SLC11A1: variants seen among roughly 807,000 people sequenced by gnomAD.
SLC11A1 encodes the protein solute carrier family 11 member 1.
SLC11A1 carries 59 observed loss-of-function variants against 63.2 expected under a neutral mutation model. The observed-to-expected ratio is 0.93, with a 90% CI of 0.76 to 1.16. SLC11A1 has a LOEUF of 1.16. SLC11A1 is among the 50% of genes most tolerant of loss of function. SLC11A1 has a pLI of 0.00. For missense variants in SLC11A1, 688 were observed against 730.7 expected, an observed-to-expected ratio of 0.94 and a Z score of 0.67; for synonymous variants, 305 against 307.8, an observed-to-expected ratio of 0.99 and a Z score of 0.09.
intron 11 of SLC11A1, 63 bp downstream of exon 11, chr2:218,391,558 G>A (rs1340405738): frequency 2.0e-6 from 3 of 1,482,070 alleles, no homozygotes; most frequent in Non-Finnish European, 2.7e-6. Flanking sequence ...ACTACTGGGG[G>A]CTAGAACTCC....
intron 8 of SLC11A1, among the ~76,000 whole-genome samples, chr2:218,388,598 CCTCAA>C (rs202021183): frequency 0.026 from 3,840 of 148,706 alleles, 122 homozygotes; most frequent in African/African-American, 0.082. Flanking sequence ...GAGTTTGAGA[CCTCAA>C]CAGCCTGGCC....
intron 4 of SLC11A1, among the ~76,000 whole-genome samples, chr2:218,386,426 T>C (rs1696106071): frequency 1.3e-5 from 2 of 149,390 alleles, no homozygotes; most frequent in African/African-American, 2.5e-5. Flanking sequence ...CACTCCAGCC[T>C]GGGCAACAAG....
intron 2 of SLC11A1, 148 bp downstream of exon 2, chr2:218,383,250 T>C: frequency 1.3e-6 from 1 of 795,444 alleles, no homozygotes; most frequent in Non-Finnish European, 2.0e-6. Flanking sequence ...CAACTGCCCC[T>C]TCCTGCTTCC....
At position 218,391,586 on chromosome 2, in the gene SLC11A1, TTTTCTTTTC is replaced by T; in HGVS notation, c.1164+103_1164+111del. The T allele has an allele frequency of 2.3e-6, 3 of 1,331,962 alleles. 1 individual carries two copies. The highest frequency in any genetic ancestry group is 3.0e-5 in the South Asian group (2 of 67,618). 82.5% of individuals were successfully genotyped at this position (1,331,962 alleles called of 1,614,324 possible). On this transcript the variant is annotated intron_variant, in intron 11 of 14. Transcript: ENST00000233202. ...AGAACTCCGAGCCTTGTGGGTCCTC[TTTTCTTTTC>T]TTTCTTTTCTTCCTTTTTTTTTGTT...
rs1696188603 is a variant in SLC11A1, at chr2:218,387,801, ATG to A, written c.644_645del (p.Val215GlyfsTer5). The A allele has an allele frequency of 6.2e-7, 1 of 1,609,522 alleles. No homozygotes were observed. The highest frequency in any genetic ancestry group is 1.1e-5 in the South Asian group (1 of 90,858). On this transcript the variant is annotated frameshift_variant and splice_region_variant, in exon 8 of 15. Transcript: ENST00000233202. LOFTEE classifies it high-confidence loss of function. ...TCCTGACCAGGCTCCTCCCTGCAGT[ATG>A]TGGTGGCGCGTCCTGAGCAGGGAGC...
At chr2:218,393,397 T>C (rs1696570000) in intron 12 of SLC11A1, among the ~76,000 whole-genome samples, 1 of 141,470 alleles carries the variant, frequency 7.1e-6, no homozygotes, top group South Asian at 2.2e-4. Flanking sequence ...CAGCCTGCCC[T>C]CCCTGTCTCT....
rs1295773529 is a variant in SLC11A1, at chr2:218,395,555, C to T, written c.*520C>T. The T allele has an allele frequency of 6.5e-6, 1 of 153,094 alleles. No homozygotes were observed. Among genetic ancestry groups the T allele is most frequent in the East Asian group, 1.9e-4 (1 of 5,186 alleles). 9.5% of individuals were successfully genotyped at this position (153,094 alleles called of 1,614,324 possible). ...AATCTTAACTCATTGCAACCTCCAC[C>T]TTCTGGGTTCAAGCGATTCTCTTTA... is the stretch of plus-strand genomic sequence containing the variant. On this transcript the variant is annotated 3_prime_UTR_variant, in exon 15 of 15. Transcript: ENST00000233202.
In SLC11A1 at chr2:218,396,213, G is replaced by A. The variant is rs1369425018; in HGVS notation, c.*1178G>A. On this transcript the variant is annotated 3_prime_UTR_variant, in exon 15 of 15. Transcript: ENST00000233202. ...GGCCCCAGAATCCTTCGGGGAGAGT[G>A]GGTGGGAGGAAGCTGTGTGGGCGGG... 2.6e-5 allele frequency: 4 copies of A among 152,424 alleles called. No individual in the cohort carries two copies. The highest frequency in any genetic ancestry group is 6.5e-5 in the Admixed American group (1 of 15,312). 9.4% of individuals were successfully genotyped at this position (152,424 alleles called of 1,614,324 possible).
rs1250608074 is a variant in SLC11A1 at position 218,383,111 on chromosome 2, C to A, written c.150+9C>A. 4 of 1,612,972 alleles carry A rather than the reference C, an allele frequency of 2.5e-6. No homozygotes were observed. Among genetic ancestry groups the A allele is most frequent in the East Asian group, 4.5e-5 (2 of 44,856 alleles). On this transcript the variant is annotated intron_variant, in intron 2 of 14. Coordinates refer to ENST00000233202, the MANE Select transcript of SLC11A1 (RefSeq NM_000578.4). ...TCCCAGACACAAAACCGGTGGGATG[C>A]TGGAAACTTCCTGGGGGCTTGCAAG...
rs149109001 is a variant in SLC11A1, at chr2:218,392,627, C to T, written c.1165-354C>T. Reference sequence around the variant, plus strand: ...CTGGGATTACAGACGTGAGCCACCCCACTCAGCTTTGTTTCCTTCATGTAG... The same window carrying T: ...CTGGGATTACAGACGTGAGCCACCCTACTCAGCTTTGTTTCCTTCATGTAG... On this transcript the variant is annotated intron_variant, in intron 11 of 14. Transcript: ENST00000233202. 18 of 197,210 alleles carry T rather than the reference C, an allele frequency of 9.1e-5. 1 individual carries two copies. In the East Asian group the frequency reaches 2.0e-3, roughly 22 times the overall value. The allele number at this position is 197,210 out of a possible 1,614,324, so 12.2% of individuals were successfully genotyped here.
chr2:218,385,938 T>A (rs1176387348), intron 4 of SLC11A1, among the ~76,000 whole-genome samples: 1 of 152,080 alleles, frequency 6.6e-6, no homozygotes, highest in Non-Finnish European at 1.5e-5. Flanking sequence ...TCAAAGGTAT[T>A]GAATGCAGGG....
Position 218,394,908 on chromosome 2 carries a change from G to C in SLC11A1, c.1543-17G>C. 1 of 1,609,828 alleles carries C rather than the reference G, an allele frequency of 6.2e-7. No individual in the cohort carries two copies. The highest frequency in any genetic ancestry group is 1.1e-5 in the South Asian group (1 of 90,550). Reference sequence around the variant, plus strand: ...AGGTCTTGGCATCTCCCCAATTCATGGTTGCCCCTCCCCCAGGTCTGGACC... The same window carrying C: ...AGGTCTTGGCATCTCCCCAATTCATCGTTGCCCCTCCCCCAGGTCTGGACC... On this transcript the variant is annotated splice_polypyrimidine_tract_variant and intron_variant, in intron 14 of 14. Transcript: ENST00000233202.
At position 218,391,514 on chromosome 2, in the gene SLC11A1, C is replaced by T. The variant is rs757692811; in HGVS notation, c.1164+19C>T. On this transcript the variant is annotated intron_variant, in intron 11 of 14. Transcript: ENST00000233202. ...GATGGAGGTAGGGCAGGGGGCGGGCCCAGGAGGGCAAGGGGTCCAAGGACA... is the reference window on the plus strand; with the variant it reads ...GATGGAGGTAGGGCAGGGGGCGGGCTCAGGAGGGCAAGGGGTCCAAGGACA... 6.4e-7 allele frequency: 1 copy of T among 1,566,346 alleles called. No homozygotes were observed. Among genetic ancestry groups the T allele is most frequent in the Middle Eastern group, 1.9e-4 (1 of 5,324 alleles).
At chr2:218,386,927 A>G (rs1185229267) in intron 5 of SLC11A1, 186 bp downstream of exon 5, 1 of 650,600 alleles carries the variant, frequency 1.5e-6, no homozygotes, top group Admixed American at 2.6e-5. Context: ...GTCATGCAGG[A>G]CTTTGGGACT....
intron 9 of SLC11A1, 78 bp downstream of exon 9, chr2:218,390,106 T>C (rs1696344532): frequency 6.9e-7 from 1 of 1,451,612 alleles, no homozygotes. Flanking sequence ...CCCTAGGCAA[T>C]GCAGCTGAGC....
rs182934179 is a variant in SLC11A1 at position 218,390,971 on chromosome 2, C to T, written c.955-227C>T. ...CTGAGGCAGATGGCTCGCTTGAGCC[C>T]GGGAGTTCAAGACCAACCTGGGCAA... On this transcript the variant is annotated intron_variant, in intron 9 of 14. Transcript: ENST00000233202. Among the ~76,000 whole-genome samples the T allele has an allele frequency of 1.8e-4, 28 of 152,216 alleles. No individual in the cohort carries two copies. The South Asian group carries it at 2.7e-3, about 15-fold the overall frequency.
At chr2:218,387,471 T>TG in intron 6 of SLC11A1, 94 bp from the exon 7 acceptor site, 3 of 1,297,458 alleles carry the variant, frequency 2.3e-6, no homozygotes, top group African/African-American at 2.9e-5. Context: ...CTTGGCACTG[T>TG]GCCTAGAAGC....
intron 9 of SLC11A1, among the ~76,000 whole-genome samples, chr2:218,390,318 G>T (rs573898254): frequency 2.6e-5 from 4 of 152,100 alleles, no homozygotes; most frequent in Non-Finnish European, 5.9e-5. Context: ...GAAGTACAGA[G>T]TGGGAAGAAA....
intron 13 of SLC11A1, 67 bp from the exon 14 acceptor site, chr2:218,394,565 G>A (rs1696646319): frequency 1.9e-6 from 3 of 1,555,098 alleles, no homozygotes; most frequent in African/African-American, 1.3e-5. Flanking sequence ...GCTGGGAGAT[G>A]AAGAGGAGTT....
Sources: allele counts gnomAD v4.1 joint callset (sites outside exome capture counted in the v4.1 genomes callset), GRCh38; gene constraint gnomAD v4.1.1; transcripts MANE v1.5; gene names NCBI Gene and HGNC (gene_info 2026-07-23, HGNC 2026-07-21).